The following XRN1 variants were observed in gnomAD, a reference collection of about 807,000 sequenced individuals.
The protein encoded by XRN1 is strand-exchange protein 1 homolog.
XRN1 carries 67 observed loss-of-function variants against 222.3 expected under a neutral mutation model. The ratio of observed to expected loss-of-function variants is 0.30; its 90% confidence interval spans 0.25 to 0.37. The LOEUF (loss-of-function observed/expected upper bound fraction) is 0.37. XRN1 is among the 10% of genes least tolerant of loss of function. The pLI is 1.00. For missense variants in XRN1, 1,707 were observed against 2,000.2 expected (o/e 0.85, Z 2.80); for synonymous variants, 643 against 652.4 (o/e 0.99, Z 0.22).
At chr3:142,444,925 T>A (rs1425255718) in intron 1 of XRN1, among the ~76,000 whole-genome samples, 1 of 151,872 alleles carries the variant, frequency 6.6e-6, no homozygotes, top group Non-Finnish European at 1.5e-5. Flanking sequence ...CCATGTCTAT[T>A]TTAATATGCA....
At chr3:142,361,653 T>A (rs567906070) in intron 29 of XRN1, among the ~76,000 whole-genome samples, 15 of 152,322 alleles carry the variant, frequency 9.8e-5, no homozygotes, top group African/African-American at 3.6e-4. Flanking sequence ...TGTGGTAATA[T>A]CTTATTTGGT....
At chr3:142,413,714 T>C (rs1360015319) in intron 14 of XRN1, among the ~76,000 whole-genome samples, 2 of 152,202 alleles carry the variant, frequency 1.3e-5, no homozygotes, top group African/African-American at 4.8e-5. Flanking sequence ...AAAACAAACA[T>C]ATACTGAGGT....
chr3:142,376,610 CA>C lies in XRN1; in HGVS notation c.2716-17del. 1.3e-6 allele frequency: 2 copies of C among 1,539,324 alleles called. No individual in the cohort carries two copies. Among genetic ancestry groups the C allele is most frequent in the Non-Finnish European group, 1.8e-6 (2 of 1,126,356 alleles). On this transcript the variant is annotated splice_polypyrimidine_tract_variant and intron_variant, in intron 23 of 40. Coordinates refer to ENST00000392981, the MANE Select transcript of XRN1 (RefSeq NM_001282857.2). ...TAGAATATTTCTTTAAATATAAAAA[CA>C]AAAAGGTCAATTATGGAAACACAAG...
chr3:142,401,705 C>T (rs1400340557), intron 18 of XRN1, among the ~76,000 whole-genome samples: 3 of 152,102 alleles, frequency 2.0e-5, no homozygotes, highest in African/African-American at 4.8e-5. Flanking sequence ...CAGAGTGAGA[C>T]TCTGTCAAAC....
At chr3:142,323,866 A>AT (rs34983908) in intron 37 of XRN1, among the ~76,000 whole-genome samples, 33 of 149,428 alleles carry the variant, frequency 2.2e-4, no homozygotes, top group Admixed American at 4.7e-4. Flanking sequence ...ATTTTTTACT[A>AT]TTTTTTTTTT....
intron 15 of XRN1, chr3:142,407,870 G>C (rs1269650913): frequency 1.3e-5 from 2 of 152,124 alleles, no homozygotes; most frequent in African/African-American, 4.8e-5. Context: ...TTATCAGCCT[G>C]CCATTAAATG....
chr3:142,422,470 A>T, intron 8 of XRN1, 112 bp downstream of exon 8: 1 of 1,139,822 alleles, frequency 8.8e-7, no homozygotes, highest in Non-Finnish European at 1.3e-6. Context: ...ATAAATCCTC[A>T]ATGTTTTTCT....
intron 30 of XRN1, 83 bp downstream of exon 30, chr3:142,359,779 T>G: frequency 9.2e-7 from 1 of 1,084,112 alleles, no homozygotes; most frequent in Non-Finnish European, 1.3e-6. Context: ...CAAACTGAAA[T>G]TGTAAACAAA....
intron 1 of XRN1, among the ~76,000 whole-genome samples, chr3:142,439,017 T>A (rs2070067230): frequency 6.6e-6 from 1 of 151,982 alleles, no homozygotes; most frequent in Admixed American, 6.6e-5. Context: ...ATTCCCCGAT[T>A]ATGCCCCCTC....
chr3:142,420,999 C>T lies in XRN1; in HGVS notation c.1173+17G>A. 1 of 1,612,864 alleles carries T rather than the reference C, an allele frequency of 6.2e-7. No homozygotes were observed. The highest frequency in any genetic ancestry group is 8.5e-7 in the Non-Finnish European group (1 of 1,179,472). ...TTACAGTTAAAACAATGAAAGGACA[C>T]CTAAAAAAATAGACACCTTTAACTT... On this transcript the variant is annotated intron_variant, in intron 10 of 40. Transcript: ENST00000392981.
intron 15 of XRN1, among the ~76,000 whole-genome samples, chr3:142,408,774 A>G (rs1221218708): frequency 2.0e-5 from 3 of 152,240 alleles, no homozygotes; most frequent in Non-Finnish European, 4.4e-5. Flanking sequence ...ACTGCCAGAT[A>G]GATATGAAAA....
rs79316388 is a variant in XRN1 at position 142,325,199 on chromosome 3, T to C, written c.4404+4235A>G. On this transcript the variant is annotated intron_variant, in intron 37 of 40. Transcript: ENST00000392981. ...CGTTTCCACCAACAATGTATGAGGG[T>C]TTCCCTTTCTCTGCATCCTTACCAG... 0.011 allele frequency among the ~76,000 whole-genome samples: 1,722 copies of C among 152,232 alleles called. 60 individuals are homozygous for C. The East Asian group carries it at 0.13, about 11-fold the overall frequency.
chr3:142,349,169 G>C (rs1041998710), intron 32 of XRN1, among the ~76,000 whole-genome samples: 4 of 151,998 alleles, frequency 2.6e-5, no homozygotes, highest in African/African-American at 9.7e-5. Context: ...GCCCAGGTTG[G>C]TCTCGAACTC....
Position 142,312,901 on chromosome 3 carries a change from T to C in XRN1, c.4622-143A>G, listed in dbSNP as rs1051238106. The C allele has an allele frequency of 2.0e-5, 19 of 941,572 alleles. No homozygotes were observed. In the African/African-American group the frequency reaches 3.0e-4, roughly 15 times the overall value. 58.3% of individuals were successfully genotyped at this position (941,572 alleles called of 1,614,324 possible). A position where few individuals can be genotyped will look rare whatever the true frequency, so the allele number is the denominator to read the frequency against. ...CTACACTTACTTCACCTATAATTAC[T>C]CTTCCTTACAACATTCAACCTCAGG... On this transcript the variant is annotated intron_variant, in intron 39 of 40. Coordinates refer to ENST00000392981, the MANE Select transcript of XRN1 (RefSeq NM_001282857.2).
chr3:142,362,104 G>T (rs2066656419), intron 29 of XRN1, among the ~76,000 whole-genome samples: 3 of 150,852 alleles, frequency 2.0e-5, no homozygotes, highest in Admixed American at 2.0e-4. Flanking sequence ...GAGTAGCTGG[G>T]ATTACAGGTG....
At chr3:142,366,550 A>T (rs963505595) in intron 27 of XRN1, among the ~76,000 whole-genome samples, 1 of 152,230 alleles carries the variant, frequency 6.6e-6, no homozygotes, top group Non-Finnish European at 1.5e-5. Flanking sequence ...TATACAAGAA[A>T]CAAAATAAGG....
At chr3:142,320,452 T>C (rs942940149) in intron 37 of XRN1, among the ~76,000 whole-genome samples, 5 of 152,228 alleles carry the variant, frequency 3.3e-5, no homozygotes, top group African/African-American at 7.2e-5. Context: ...GAGTTCCTTA[T>C]AGATTCTGGA....
intron 1 of XRN1, among the ~76,000 whole-genome samples, chr3:142,435,603 C>T (rs2069850195): frequency 6.6e-6 from 1 of 150,480 alleles, no homozygotes. Flanking sequence ...ACCAAAAATA[C>T]AAAAATTAGC....
Position 142,329,616 on chromosome 3 carries a change from C to T in XRN1, c.4223-1G>A, listed in dbSNP as rs868028980. ...CTGTGAGGCTTGTTCATATAAGATGCTACCAAAAAAGAGAAAAGAGTCTAT... is the reference window on the plus strand; with the variant it reads ...CTGTGAGGCTTGTTCATATAAGATGTTACCAAAAAAGAGAAAAGAGTCTAT... On this transcript the variant is annotated splice_acceptor_variant, in intron 36 of 40. Coordinates refer to ENST00000392981, the MANE Select transcript of XRN1 (RefSeq NM_001282857.2). LOFTEE classifies it high-confidence loss of function. 2 of 1,528,702 alleles carry T rather than the reference C, an allele frequency of 1.3e-6. No individual in the cohort carries two copies. Among genetic ancestry groups the T allele is most frequent in the African/African-American group, 1.5e-5 (1 of 68,932 alleles). 94.7% of individuals were successfully genotyped at this position (1,528,702 alleles called of 1,614,324 possible).
Sources: gnomAD v4.1 joint callset for allele counts (sites outside exome capture counted in the v4.1 genomes callset) on GRCh38, gnomAD v4.1.1 for gene constraint, MANE v1.5 for transcripts, NCBI Gene and HGNC (gene_info 2026-07-23, HGNC 2026-07-21) for gene names.